The following AGBL4 variants were observed in gnomAD, a reference collection of about 807,000 sequenced individuals.
The protein encoded by AGBL4 is AGBL carboxypeptidase 4.
A neutral mutation model predicts 66.4 loss-of-function variants in AGBL4; 58 were observed. That is an observed-to-expected ratio of 0.87 (90% CI 0.71 to 1.09). AGBL4 has a LOEUF of 1.09. Among genes scored for constraint, AGBL4 ranks in the 50% least tolerant of loss-of-function variants. The pLI is 0.00. For missense variants in AGBL4, 579 were observed against 631.0 expected (o/e 0.92, Z 0.88); for synonymous variants, 234 against 222.9 (o/e 1.05, Z -0.44).
At chr1:48,918,849 T>C (rs1421606491) in intron 5 of AGBL4, among the ~76,000 whole-genome samples, 1 of 152,220 alleles carries the variant, frequency 6.6e-6, no homozygotes, top group African/African-American at 2.4e-5. Flanking sequence ...CATTGTGGAC[T>C]TGAGGTACCT....
At chr1:48,813,741 A>G (rs1646110655) in intron 6 of AGBL4, among the ~76,000 whole-genome samples, 1 of 152,034 alleles carries the variant, frequency 6.6e-6, no homozygotes, top group African/African-American at 2.4e-5. Context: ...GTGATGGAGC[A>G]GAATTGGGTA....
chr1:49,266,072 G>A (rs972479445), intron 3 of AGBL4: 1 of 152,104 alleles, frequency 6.6e-6, no homozygotes, highest in African/African-American at 2.4e-5. Context: ...AAGAGTCACA[G>A]GGAATCAACA....
At chr1:48,552,428 G>T (rs557622229) in intron 11 of AGBL4, among the ~76,000 whole-genome samples, 66 of 152,246 alleles carry the variant, frequency 4.3e-4, no homozygotes, top group East Asian at 2.7e-3. Context: ...CTCTGTGCTG[G>T]GCCATGTAAT....
intron 6 of AGBL4, among the ~76,000 whole-genome samples, chr1:48,798,853 T>A (rs1645749519): frequency 1.3e-5 from 2 of 152,220 alleles, no homozygotes; most frequent in African/African-American, 4.8e-5. Context: ...TTCTGGGTCC[T>A]CTATTCTGTT....
intron 1 of AGBL4, among the ~76,000 whole-genome samples, chr1:50,015,472 C>T (rs773881305): frequency 2.0e-5 from 3 of 152,096 alleles, no homozygotes; most frequent in Non-Finnish European, 2.9e-5. Flanking sequence ...TCCTGTGAAA[C>T]AGAGTGAGAC....
chr1:49,973,245 A>C, intron 1 of AGBL4, among the ~76,000 whole-genome samples: 1 of 152,188 alleles, frequency 6.6e-6, no homozygotes, highest in Non-Finnish European at 1.5e-5. Flanking sequence ...CTGCACAACC[A>C]TAAACAGCAG....
intron 6 of AGBL4, among the ~76,000 whole-genome samples, chr1:48,702,655 T>G (rs987035131): frequency 3.3e-5 from 5 of 151,900 alleles, no homozygotes; most frequent in African/African-American, 1.2e-4. Context: ...CAACAGGAAG[T>G]AGGGGATAGG....
chr1:49,179,273 G>A (rs1314733217), intron 4 of AGBL4, among the ~76,000 whole-genome samples: 1 of 152,006 alleles, frequency 6.6e-6, no homozygotes, highest in Non-Finnish European at 1.5e-5. Context: ...AATACCAGTG[G>A]AGATAGTGAG....
intron 3 of AGBL4, among the ~76,000 whole-genome samples, chr1:49,287,753 T>G (rs184074034): frequency 0.081 from 11,789 of 146,326 alleles, 635 homozygotes; most frequent in African/African-American, 0.15. Context: ...GGAACACTTT[T>G]ACACTGTTGG....
intron 9 of AGBL4, among the ~76,000 whole-genome samples, chr1:48,604,119 C>T (rs536526659): frequency 1.4e-4 from 20 of 147,674 alleles, no homozygotes; most frequent in African/African-American, 3.8e-4. Flanking sequence ...GGCTACGGAG[C>T]GAGACTTCAT....
chr1:49,928,670 C>A (rs1048521596), intron 1 of AGBL4, among the ~76,000 whole-genome samples: 4 of 152,116 alleles, frequency 2.6e-5, no homozygotes, highest in Non-Finnish European at 4.4e-5. Context: ...CCAAGAAAAT[C>A]AACAAATTGT....
chr1:50,012,020 G>A (rs935203030), intron 1 of AGBL4, among the ~76,000 whole-genome samples: 2 of 152,054 alleles, frequency 1.3e-5, no homozygotes, highest in African/African-American at 2.4e-5. Context: ...TTAGCCGGGC[G>A]CGGTGGCGGG....
chr1:49,787,393 C>T (rs1183190906), intron 2 of AGBL4, among the ~76,000 whole-genome samples: 5 of 151,524 alleles, frequency 3.3e-5, no homozygotes, highest in African/African-American at 1.2e-4. Flanking sequence ...GTCCCAGCTA[C>T]TAGGGAGGCT....
At chr1:49,075,976 T>A (rs1644701980) in intron 4 of AGBL4, among the ~76,000 whole-genome samples, 1 of 152,208 alleles carries the variant, frequency 6.6e-6, no homozygotes, top group Admixed American at 6.5e-5. Context: ...AGGGTGATGA[T>A]TATTCACAGA....
In AGBL4 at chr1:49,198,640, G is replaced by A. The variant is rs145598274; in HGVS notation, c.377+47130C>T. 2.0e-4 allele frequency among the ~76,000 whole-genome samples: 31 copies of A among 152,190 alleles called. No individual in the cohort carries two copies. In the East Asian group the frequency reaches 4.6e-3, roughly 23 times the overall value. The stretch of plus-strand genomic sequence containing the variant: ...CGGGCGTGAAGCACACCCGGCCAAC[G>A]GTGTGAATCTTTACAAGCTATTTTG... On this transcript the variant is annotated intron_variant, in intron 4 of 13. Coordinates refer to ENST00000371839, the MANE Select transcript of AGBL4 (RefSeq NM_032785.4).
At chr1:49,768,253 G>A (rs1268281693) in intron 2 of AGBL4, among the ~76,000 whole-genome samples, 1 of 152,010 alleles carries the variant, frequency 6.6e-6, no homozygotes, top group African/African-American at 2.4e-5. Flanking sequence ...TATGCATGAT[G>A]AACATAGACA....
chr1:49,636,956 T>C (rs563036000), intron 3 of AGBL4, among the ~76,000 whole-genome samples: 3 of 152,300 alleles, frequency 2.0e-5, no homozygotes, highest in Non-Finnish European at 4.4e-5. Context: ...GACCCACCCG[T>C]AATCTGGGTG....
intron 6 of AGBL4, among the ~76,000 whole-genome samples, chr1:48,784,387 C>T (rs1645364238): frequency 1.3e-5 from 2 of 152,260 alleles, no homozygotes; most frequent in East Asian, 3.9e-4. Context: ...CAACAAGCAT[C>T]CTAGAATGAT....
At chr1:48,567,548 T>C (rs1023628020) in intron 11 of AGBL4, among the ~76,000 whole-genome samples, 11 of 152,240 alleles carry the variant, frequency 7.2e-5, no homozygotes, top group Non-Finnish European at 1.5e-4. Context: ...TGCAGTCAAT[T>C]GGGTCCTGAA....
Sources: allele counts gnomAD v4.1 joint callset (sites outside exome capture counted in the v4.1 genomes callset), GRCh38; gene constraint gnomAD v4.1.1; transcripts MANE v1.5; gene names NCBI Gene and HGNC (gene_info 2026-07-23, HGNC 2026-07-21).